EPB41L4A: variants seen among roughly 807,000 people sequenced by gnomAD.
EPB41L4A encodes the protein erythrocyte membrane protein band 4.1 like 4A.
In EPB41L4A, 100 loss-of-function variants were observed where a neutral mutation model predicts 108.6. The ratio of observed to expected loss-of-function variants is 0.92; its 90% confidence interval spans 0.78 to 1.09. The LOEUF (loss-of-function observed/expected upper bound fraction) is 1.09. Ranked by LOEUF, EPB41L4A falls within the 50% of genes least tolerant of loss-of-function variation. EPB41L4A has a pLI of 0.00. For synonymous variants in EPB41L4A, 319 were observed against 289.0 expected (o/e 1.10, Z -1.05); for missense variants, 1,030 against 842.7 (o/e 1.22, Z -2.75).
At chr5:112,329,502 A>T (rs1756409676) in intron 1 of EPB41L4A, among the ~76,000 whole-genome samples, 1 of 152,140 alleles carries the variant, frequency 6.6e-6, no homozygotes, top group South Asian at 2.1e-4. Context: ...ACTGCCACTT[A>T]ATCTCTCTGG....
chr5:112,174,075 A>G (rs1483345719), intron 18 of EPB41L4A, among the ~76,000 whole-genome samples: 1 of 152,240 alleles, frequency 6.6e-6, no homozygotes, highest in African/African-American at 2.4e-5. Flanking sequence ...TAACTAAACT[A>G]AGTTCTGACG....
At chr5:112,297,228 G>T (rs1376207778) in intron 2 of EPB41L4A, among the ~76,000 whole-genome samples, 1 of 152,188 alleles carries the variant, frequency 6.6e-6, no homozygotes, top group African/African-American at 2.4e-5. Flanking sequence ...GTTTTCCATA[G>T]TGGCTGTACT....
At chr5:112,392,810 C>T (rs550049313) in intron 1 of EPB41L4A, 1 of 152,316 alleles carries the variant, frequency 6.6e-6, no homozygotes, top group Admixed American at 6.5e-5. Context: ...CCACATCACA[C>T]TTATTCCAAA....
At position 112,169,002 on chromosome 5, in the gene EPB41L4A, C is replaced by G; in HGVS notation, c.1843G>C (p.Glu615Gln). 2 of 1,612,884 alleles carry G rather than the reference C, an allele frequency of 1.2e-6. No individual in the cohort carries two copies. The highest frequency in any genetic ancestry group is 1.7e-6 in the Non-Finnish European group (2 of 1,178,856). The stretch of plus-strand genomic sequence containing the variant: ...TCTGGCCTGCCCACTTACTTCACTT[C>G]CGAGAGAACTGATCGCTCCCCATCT... ...CSDGERSVLSEVNSKTDLVPP... is the reference protein window; with the variant it reads ...CSDGERSVLSQVNSKTDLVPP... The change falls in exon 21 of 23, where the codon GAA becomes CAA. Residue 615 changes from glutamate (E) to glutamine (Q), a missense_variant. Physicochemically the swap from Glu to Gln is conservative, Grantham distance 29 (BLOSUM62 2). Coordinates refer to ENST00000261486, the MANE Select transcript of EPB41L4A (RefSeq NM_022140.5).
intron 1 of EPB41L4A, among the ~76,000 whole-genome samples, chr5:112,368,749 G>A (rs1040452766): frequency 6.6e-6 from 1 of 152,132 alleles, no homozygotes; most frequent in Admixed American, 6.5e-5. Context: ...ACTATTAGAT[G>A]CTATTTGCTT....
intron 1 of EPB41L4A, among the ~76,000 whole-genome samples, chr5:112,386,611 G>C (rs1324552982): frequency 6.6e-6 from 1 of 152,152 alleles, no homozygotes; most frequent in African/African-American, 2.4e-5. Context: ...ATTGGAATGA[G>C]CACTAACTTC....
chr5:112,300,153 T>C (rs531657904), intron 2 of EPB41L4A, among the ~76,000 whole-genome samples: 1 of 152,328 alleles, frequency 6.6e-6, no homozygotes, highest in African/African-American at 2.4e-5. Context: ...TCAACATTAG[T>C]ATTTAGATAT....
Position 112,271,191 on chromosome 5 carries a change from T to C in EPB41L4A, c.335+4135A>G, listed in dbSNP as rs965169766. Among the ~76,000 whole-genome samples, 14 of 152,294 alleles carry C rather than the reference T, an allele frequency of 9.2e-5. 1 individual carries two copies. The highest frequency in any genetic ancestry group is 3.4e-3 in the Middle Eastern group (1 of 294). On this transcript the variant is annotated intron_variant, in intron 4 of 22. Transcript: ENST00000261486. ...TTCAAGAAATGCAGGCTAGAGGGGATAGTAAAATGATTCATAGTTAAATCA... is the reference window on the plus strand; with the variant it reads ...TTCAAGAAATGCAGGCTAGAGGGGACAGTAAAATGATTCATAGTTAAATCA...
chr5:112,302,893 G>C (rs1227928490), intron 2 of EPB41L4A, among the ~76,000 whole-genome samples: 5 of 152,138 alleles, frequency 3.3e-5, no homozygotes, highest in Admixed American at 6.5e-5. Flanking sequence ...GTGGACTCTT[G>C]AAAAGCCACC....
intron 9 of EPB41L4A, chr5:112,249,452 T>G (rs1328463030): frequency 6.6e-6 from 1 of 152,150 alleles, no homozygotes; most frequent in African/African-American, 2.4e-5. Context: ...CTTACAAAAT[T>G]GTAAGTCTTT....
chr5:112,240,861 A>G (rs753085364), intron 9 of EPB41L4A, 51 bp from the exon 10 acceptor site: 2 of 1,153,152 alleles, frequency 1.7e-6, no homozygotes, highest in East Asian at 2.5e-5. Flanking sequence ...GAAGGAAGAT[A>G]GCATTCTTCA....
intron 1 of EPB41L4A, among the ~76,000 whole-genome samples, chr5:112,343,724 A>G (rs1757466094): frequency 6.6e-6 from 1 of 152,238 alleles, no homozygotes; most frequent in African/African-American, 2.4e-5. Flanking sequence ...GTATCTAGCA[A>G]GAATAAAAAT....
In EPB41L4A at chr5:112,174,881, T is replaced by C. The variant is rs1255386190; in HGVS notation, c.1623-3889A>G. Among the ~76,000 whole-genome samples, 8 of 152,306 alleles carry C rather than the reference T, an allele frequency of 5.3e-5. No homozygotes were observed. The East Asian group carries it at 1.5e-3, about 29-fold the overall frequency. ...AGGAATTCAAAGCACCTAACAAATA[T>C]CCCAGTCATTCTTTGTCACATTCCT... On this transcript the variant is annotated intron_variant, in intron 18 of 22. Transcript: ENST00000261486.
At chr5:112,265,687 T>G (rs1751798436) in intron 5 of EPB41L4A, among the ~76,000 whole-genome samples, 1 of 152,218 alleles carries the variant, frequency 6.6e-6, no homozygotes, top group Non-Finnish European at 1.5e-5. Flanking sequence ...CTAGCTTGAT[T>G]CTTAGAAGGT....
chr5:112,319,132 C>A lies in EPB41L4A; in HGVS notation c.100-11642G>T, dbSNP rs570818355. Among the ~76,000 whole-genome samples, 4 of 152,266 alleles carry A rather than the reference C, an allele frequency of 2.6e-5. No individual in the cohort carries two copies. In the East Asian group the frequency reaches 7.7e-4, roughly 29 times the overall value. On this transcript the variant is annotated intron_variant, in intron 1 of 22. Transcript: ENST00000261486. ...AGGCTGAGACAGGAAAGTACAAGGC[C>A]TGAAATAACTTACTGCACCAAAAAT...
At chr5:112,229,498 G>C (rs1279144705) in intron 12 of EPB41L4A, among the ~76,000 whole-genome samples, 1 of 151,932 alleles carries the variant, frequency 6.6e-6, no homozygotes, top group Non-Finnish European at 1.5e-5. Flanking sequence ...CTGAGATTTT[G>C]GTGCCCTCAT....
chr5:112,354,073 G>T (rs553698521), intron 1 of EPB41L4A, among the ~76,000 whole-genome samples: 1 of 152,218 alleles, frequency 6.6e-6, no homozygotes, highest in Non-Finnish European at 1.5e-5. Flanking sequence ...ACTTGATTTT[G>T]AGTTGTCTGA....
rs763413353 is a variant in EPB41L4A at position 112,418,948 on chromosome 5, CCCTGCTGCT to C, written c.83_91del (p.Gln28_Gly31delinsArg). 1 of 1,612,720 alleles carries C rather than the reference CCCTGCTGCT, an allele frequency of 6.2e-7. No homozygotes were observed. Among genetic ancestry groups the C allele is most frequent in the Non-Finnish European group, 8.5e-7 (1 of 1,179,162 alleles). ...GCTCCGGGCCGCACCCACCTTGATG[CCCTGCTGCT>C]GGGTGGTAAGGGTTAACTTGGATTC... is the stretch of plus-strand genomic sequence containing the variant. On this transcript the variant is annotated inframe_deletion, in exon 1 of 23. Coordinates refer to ENST00000261486, the MANE Select transcript of EPB41L4A (RefSeq NM_022140.5).
chr5:112,161,386 A>G (rs1025368136), downstream of EPB41L4A: 1 of 419,388 alleles, frequency 2.4e-6, no homozygotes, highest in Non-Finnish European at 4.7e-6. Context: ...AATCGTGAGA[A>G]AATTTCTCTG....
Sources: gnomAD v4.1 joint callset for allele counts (sites outside exome capture counted in the v4.1 genomes callset) on GRCh38, gnomAD v4.1.1 for gene constraint, MANE v1.5 for transcripts, NCBI Gene and HGNC (gene_info 2026-07-23, HGNC 2026-07-21) for gene names.